EXTL3: variants seen among roughly 807,000 people sequenced by gnomAD.
EXTL3 encodes exostosin-like 3.
Under a neutral mutation model 69.3 loss-of-function variants are expected in EXTL3, and 27 were observed. That is an observed-to-expected ratio of 0.39 (90% CI 0.29 to 0.54). EXTL3 has a LOEUF of 0.54. Among genes scored for constraint, EXTL3 ranks in the 20% least tolerant of loss-of-function variants. EXTL3 has a pLI of 0.69. For missense variants in EXTL3, 1,003 were observed against 1,231.8 expected (o/e 0.81, Z 2.78); for synonymous variants, 511 against 499.4 (o/e 1.02, Z -0.31).
At chr8:28,654,607 A>G (rs1806976262) in intron 1 of EXTL3, among the ~76,000 whole-genome samples, 1 of 152,178 alleles carries the variant, frequency 6.6e-6, no homozygotes, top group African/African-American at 2.4e-5. Flanking sequence ...CTTTAAAAAA[A>G]ATCTTTCAGG....
At chr8:28,738,999 C>T (rs568805538) in intron 5 of EXTL3, among the ~76,000 whole-genome samples, 14 of 152,296 alleles carry the variant, frequency 9.2e-5, no homozygotes, top group Middle Eastern at 3.4e-3. Context: ...TGAAGTGTCC[C>T]GGGGTCTAGC....
intron 1 of EXTL3, among the ~76,000 whole-genome samples, chr8:28,671,063 C>G (rs911652564): frequency 1.3e-5 from 2 of 151,882 alleles, no homozygotes; most frequent in African/African-American, 4.8e-5. Context: ...TCACTGCAGC[C>G]TCCGCCTCCC....
At chr8:28,726,116 C>T (rs1460976838) in intron 3 of EXTL3, among the ~76,000 whole-genome samples, 3 of 152,070 alleles carry the variant, frequency 2.0e-5, no homozygotes, top group South Asian at 2.1e-4. Context: ...CCACCACGCC[C>T]GGCTAATTTT....
chr8:28,738,954 G>A (rs1242043262), intron 5 of EXTL3, among the ~76,000 whole-genome samples: 5 of 152,154 alleles, frequency 3.3e-5, no homozygotes, highest in African/African-American at 9.6e-5. Flanking sequence ...CTGTCCTCAC[G>A]GAAGACCCTC....
Position 28,716,587 on chromosome 8 carries a change from C to T in EXTL3, c.528C>T (p.Gly176=). 1 of 1,614,222 alleles carries T rather than the reference C, an allele frequency of 6.2e-7. No homozygotes were observed. The highest frequency in any genetic ancestry group is 8.5e-7 in the Non-Finnish European group (1 of 1,180,048). Residue 176 remains glycine (G), a synonymous_variant, in exon 3 of 7, where the codon GGC becomes GGT. Coordinates refer to ENST00000220562, the MANE Select transcript of EXTL3 (RefSeq NM_001440.4). This position sits in a 1 kb window ranked among gnomAD's most constrained non-coding sequence, Gnocchi z 7.1. Reference sequence around the variant, plus strand: ...TCCCTCCCCCGAAGGCCACTCGGGGCTGCCGGCTACACAACTGCTTTGATT... The same window carrying T: ...TCCCTCCCCCGAAGGCCACTCGGGGTTGCCGGCTACACAACTGCTTTGATT... ...AGLPPPKATR[G]CRLHNCFDYS...
At chr8:28,671,232 T>G (rs1807285222) in intron 1 of EXTL3, among the ~76,000 whole-genome samples, 1 of 151,930 alleles carries the variant, frequency 6.6e-6, no homozygotes, top group Non-Finnish European at 1.5e-5. Context: ...TATGCCCACC[T>G]TGGCCTCCCA....
chr8:28,731,509 TGGA>T (rs940374731), intron 4 of EXTL3, among the ~76,000 whole-genome samples, 159 bp downstream of exon 4: 7 of 152,194 alleles, frequency 4.6e-5, no homozygotes, highest in Non-Finnish European at 8.8e-5. Context: ...TAGATGGCGT[TGGA>T]GGAGTCCATC....
intron 1 of EXTL3, among the ~76,000 whole-genome samples, chr8:28,661,521 GTATA>G (rs1453150087): frequency 1.3e-5 from 2 of 151,810 alleles, no homozygotes; most frequent in African/African-American, 4.8e-5. Flanking sequence ...ATGTTGGGGC[GTATA>G]TAAACACACA....
intron 1 of EXTL3, among the ~76,000 whole-genome samples, 179 bp from the exon 2 acceptor site, chr8:28,713,278 T>G (rs972294963): frequency 3.9e-5 from 6 of 152,180 alleles, no homozygotes; most frequent in Admixed American, 3.9e-4. Context: ...ATAGTCTCCC[T>G]TTCCACTTCA....
intron 1 of EXTL3, among the ~76,000 whole-genome samples, chr8:28,679,274 C>T (rs573000568): frequency 1.3e-5 from 2 of 152,220 alleles, no homozygotes; most frequent in South Asian, 2.1e-4. Context: ...GGTGAAATCC[C>T]GTCTCTACTA....
chr8:28,683,537 G>A (rs1214117626), intron 1 of EXTL3, among the ~76,000 whole-genome samples: 1 of 152,004 alleles, frequency 6.6e-6, no homozygotes. Context: ...GCTGTTGGCC[G>A]GGTGAGGTAG....
chr8:28,652,343 A>G (rs1246381495), intron 1 of EXTL3, among the ~76,000 whole-genome samples: 3 of 151,826 alleles, frequency 2.0e-5, no homozygotes, highest in Non-Finnish European at 4.4e-5. Context: ...ATCCTCTTCC[A>G]CATTTGCTAT....
upstream of EXTL3, among the ~76,000 whole-genome samples, chr8:28,619,587 G>C (rs964483829): frequency 6.6e-6 from 1 of 151,874 alleles, no homozygotes; most frequent in Admixed American, 6.6e-5. Context: ...AACCCCTAAG[G>C]GCTGTTTCTT....
At chr8:28,662,480 GT>G (rs1180208869) in intron 1 of EXTL3, among the ~76,000 whole-genome samples, 1 of 152,198 alleles carries the variant, frequency 6.6e-6, no homozygotes, top group African/African-American at 2.4e-5. Context: ...TAAATAGGGA[GT>G]TAGATTTAAG....
At chr8:28,739,044 G>T (rs1247031954) in intron 5 of EXTL3, among the ~76,000 whole-genome samples, 1 of 152,184 alleles carries the variant, frequency 6.6e-6, no homozygotes, top group Non-Finnish European at 1.5e-5. Context: ...TAGGCGTTCT[G>T]TCTCACACAC....
At chr8:28,677,954 C>T (rs1039840644) in intron 1 of EXTL3, 2 of 152,266 alleles carry the variant, frequency 1.3e-5, no homozygotes, top group African/African-American at 4.8e-5. Flanking sequence ...GGTACAGTCA[C>T]AGGAATCAGA....
intron 1 of EXTL3, among the ~76,000 whole-genome samples, chr8:28,654,973 GC>G (rs1806983006): frequency 6.6e-6 from 1 of 152,194 alleles, no homozygotes; most frequent in Non-Finnish European, 1.5e-5. Flanking sequence ...TGTTTGGGAG[GC>G]AAAGCAAGGT....
At chr8:28,702,590 TC>T (rs1312145905) in intron 1 of EXTL3, among the ~76,000 whole-genome samples, 2 of 45,664 alleles carry the variant, frequency 4.4e-5, no homozygotes, top group African/African-American at 8.4e-5. Flanking sequence ...CCCCCGCCCT[TC>T]CCCGCAACCT....
intron 1 of EXTL3, among the ~76,000 whole-genome samples, chr8:28,663,484 G>A (rs1006863570): frequency 2.0e-5 from 3 of 151,864 alleles, no homozygotes; most frequent in African/African-American, 4.8e-5. Flanking sequence ...ATGGTGTCTC[G>A]CTGTGTCGCC....
Sources: allele counts gnomAD v4.1 joint callset (sites outside exome capture counted in the v4.1 genomes callset), GRCh38; gene constraint gnomAD v4.1.1; non-coding constraint Gnocchi (gnomAD v3.1); transcripts MANE v1.5; gene names NCBI Gene and HGNC (gene_info 2026-07-23, HGNC 2026-07-21).